The following SRGAP2 variants were observed in gnomAD, a reference collection of about 807,000 sequenced individuals.
SRGAP2 encodes SLIT-ROBO Rho GTPase activating protein 2.
A neutral mutation model predicts 57.2 loss-of-function variants in SRGAP2; 15 were observed. That is an observed-to-expected ratio of 0.26 (90% CI 0.18 to 0.40). The LOEUF is 0.40. Among genes scored for constraint, SRGAP2 ranks in the 10% least tolerant of loss-of-function variants. The pLI, the probability that SRGAP2 is intolerant of heterozygous loss-of-function variation, is 1.00. For synonymous variants in SRGAP2, 249 were observed against 248.0 expected (o/e 1.00, Z -0.04); for missense variants, 520 against 669.6 (o/e 0.78, Z 2.47).
Position 206,431,469 on chromosome 1 carries a change from A to T in SRGAP2, c.1555+1247A>T, listed in dbSNP as rs941174854. Reference sequence around the variant, plus strand: ...ATTTCACAAGATAGTAATGATTAACAGTCAAACAGTTTGCAAAGAAAAGTC... The same window carrying T: ...ATTTCACAAGATAGTAATGATTAACTGTCAAACAGTTTGCAAAGAAAAGTC... On this transcript the variant is annotated intron_variant, in intron 14 of 22. Transcript: ENST00000573034. Among the ~76,000 whole-genome samples, 6 of 152,262 alleles carry T rather than the reference A, an allele frequency of 3.9e-5. No homozygotes were observed. In the East Asian group the frequency reaches 5.8e-4, roughly 15 times the overall value.
chr1:206,389,424 G>A (rs3119004), intron 5 of SRGAP2, among the ~76,000 whole-genome samples: 2 of 152,196 alleles, frequency 1.3e-5, no homozygotes, highest in East Asian at 1.9e-4. Flanking sequence ...TGATCCGCCC[G>A]CCTGGGCCTC....
chr1:206,448,331 G>A (rs1396124235), intron 18 of SRGAP2, among the ~76,000 whole-genome samples: 1 of 152,136 alleles, frequency 6.6e-6, no homozygotes, highest in African/African-American at 2.4e-5. Flanking sequence ...CCTGAAACTG[G>A]AACCGGTTTT....
intron 8 of SRGAP2, among the ~76,000 whole-genome samples, chr1:206,402,624 C>T (rs1427203944): frequency 6.6e-6 from 1 of 152,008 alleles, no homozygotes; most frequent in African/African-American, 2.4e-5. Context: ...GTACTACTTC[C>T]TGTGTGTTAA....
At chr1:206,386,164 G>T (rs1428138431) in intron 5 of SRGAP2, among the ~76,000 whole-genome samples, 4 of 152,160 alleles carry the variant, frequency 2.6e-5, no homozygotes, top group African/African-American at 9.7e-5. Context: ...GAGGCCAGGG[G>T]TGCTGCTAAA....
chr1:206,314,343 A>G (rs1553325320), intron 3 of SRGAP2, among the ~76,000 whole-genome samples: 1 of 152,164 alleles, frequency 6.6e-6, no homozygotes, highest in Admixed American at 6.5e-5. Flanking sequence ...CATGTTGGTC[A>G]GGTTGGTCTT....
chr1:206,420,992 G>A (rs189068697), intron 12 of SRGAP2, among the ~76,000 whole-genome samples: 1 of 152,238 alleles, frequency 6.6e-6, no homozygotes, highest in East Asian at 1.9e-4. Context: ...ATTAAAAGCA[G>A]GGACGTCTGT....
intron 3 of SRGAP2, among the ~76,000 whole-genome samples, chr1:206,309,973 A>C (rs1672517077): frequency 6.6e-6 from 1 of 150,616 alleles, no homozygotes; most frequent in Non-Finnish European, 1.5e-5. Flanking sequence ...TTGTTTTTTA[A>C]GGCAAAGGGT....
intron 7 of SRGAP2, among the ~76,000 whole-genome samples, chr1:206,396,084 G>A (rs1313258919): frequency 4.7e-5 from 7 of 147,784 alleles, no homozygotes; most frequent in African/African-American, 1.3e-4. Context: ...CCAGGTTCAC[G>A]CCATTCTCCT....
intron 22 of SRGAP2, among the ~76,000 whole-genome samples, chr1:206,460,716 T>C (rs1664186438): frequency 6.6e-6 from 1 of 152,196 alleles, no homozygotes; most frequent in Non-Finnish European, 1.5e-5. Context: ...ATTCTTACTT[T>C]GTCCGTGTTT....
At chr1:206,204,798 C>T (rs1290136399) in intron 1 of SRGAP2, 2 of 122,932 alleles carry the variant, frequency 1.6e-5, no homozygotes, top group African/African-American at 3.7e-5. Flanking sequence ...CTCGCCGCCC[C>T]CCGGTTTTCC....
At chr1:206,369,313 T>C (rs1410325281) in intron 4 of SRGAP2, among the ~76,000 whole-genome samples, 3 of 151,978 alleles carry the variant, frequency 2.0e-5, no homozygotes, top group African/African-American at 7.3e-5. Flanking sequence ...GAAGAAAATA[T>C]AGGTGTAAGT....
intron 19 of SRGAP2, among the ~76,000 whole-genome samples, chr1:206,452,909 A>AAAAGG (rs1663459423): frequency 6.8e-6 from 1 of 147,338 alleles, no homozygotes; most frequent in African/African-American, 2.6e-5. Context: ...AAAAAAAAAA[A>AAAAGG]TGGGATGCTT....
intron 4 of SRGAP2, among the ~76,000 whole-genome samples, chr1:206,356,760 G>T (rs1236489720): frequency 6.8e-6 from 1 of 146,050 alleles, no homozygotes; most frequent in African/African-American, 2.6e-5. Flanking sequence ...TTGACACAGC[G>T]TCTTCAGTTT....
At chr1:206,303,863 A>C in intron 3 of SRGAP2, among the ~76,000 whole-genome samples, 1 of 131,274 alleles carries the variant, frequency 7.6e-6, no homozygotes, top group Non-Finnish European at 1.5e-5. Context: ...GTCTATCTTA[A>C]TCTCTGTCTC....
At chr1:206,371,298 A>C (rs1426039959) in intron 4 of SRGAP2, among the ~76,000 whole-genome samples, 3 of 147,348 alleles carry the variant, frequency 2.0e-5, no homozygotes, top group Non-Finnish European at 4.5e-5. Context: ...TTCAGACAAG[A>C]AAAATATGAG....
chr1:206,411,409 G>A lies in SRGAP2; in HGVS notation c.1357-4480G>A, dbSNP rs139505850. On this transcript the variant is annotated intron_variant, in intron 10 of 22. Transcript: ENST00000573034. ...ATTCTCTTGCAGGCCCTTGGTAAAC[G>A]TGTGCTAGTGAGTACAAATGAGTGA... is the stretch of plus-strand genomic sequence containing the variant. Among the ~76,000 whole-genome samples the A allele has an allele frequency of 1.1e-4, 16 of 152,328 alleles. No homozygotes were observed. The East Asian group carries it at 2.1e-3, about 20-fold the overall frequency.
chr1:206,213,695 G>A (rs1159592554), intron 2 of SRGAP2, among the ~76,000 whole-genome samples: 3 of 152,054 alleles, frequency 2.0e-5, no homozygotes, highest in South Asian at 2.1e-4. Flanking sequence ...CGAGGCAGAC[G>A]GATCACCTGA....
intron 14 of SRGAP2, among the ~76,000 whole-genome samples, chr1:206,431,863 T>A (rs1558426418): frequency 6.6e-6 from 1 of 152,178 alleles, no homozygotes; most frequent in African/African-American, 2.4e-5. Context: ...CTTGTGGATA[T>A]CTGGGGAAGA....
intron 21 of SRGAP2, 29 bp downstream of exon 21, chr1:206,455,053 C>T: frequency 1.3e-6 from 1 of 780,532 alleles, no homozygotes; most frequent in Non-Finnish European, 2.4e-6. Context: ...TTTCTGCTCC[C>T]CTGAATGACT....
Sources: allele counts gnomAD v4.1 joint callset (sites outside exome capture counted in the v4.1 genomes callset), GRCh38; gene constraint gnomAD v4.1.1; transcripts MANE v1.5; gene names NCBI Gene and HGNC (gene_info 2026-07-23, HGNC 2026-07-21).